ZNF253: variants seen among roughly 807,000 people sequenced by gnomAD.
ZNF253 encodes the protein zinc finger protein 253.
A neutral mutation model predicts 11.9 loss-of-function variants in ZNF253; 8 were observed. The ratio of observed to expected loss-of-function variants is 0.67; its 90% confidence interval spans 0.40 to 1.22. The LOEUF (loss-of-function observed/expected upper bound fraction) is 1.22. Ranked by LOEUF, ZNF253 falls within the 50% of genes most tolerant of loss-of-function variation. The pLI is 0.01. For missense variants in ZNF253, 485 were observed against 586.9 expected (o/e 0.83, Z 1.79); for synonymous variants, 194 against 194.9 (o/e 1.00, Z 0.04).
intron 1 of ZNF253, among the ~76,000 whole-genome samples, chr19:19,877,889 A>G (rs764223813): frequency 1.3e-5 from 2 of 152,046 alleles, no homozygotes; most frequent in Non-Finnish European, 2.9e-5. Flanking sequence ...TTTTTGCTAC[A>G]TATTTTTCTT....
At chr19:19,875,088 C>T (rs1466141568) in intron 1 of ZNF253, among the ~76,000 whole-genome samples, 7 of 152,000 alleles carry the variant, frequency 4.6e-5, no homozygotes, top group Non-Finnish European at 1.5e-5. Context: ...TTAGGTCTGC[C>T]TCTATCCTGG....
In ZNF253 at chr19:19,892,578, G is replaced by T; in HGVS notation, c.1331G>T (p.Arg444Ile). ...TASSTLTTHK[R>I]IHTGEKPYKC... ...TCCTCAACTCTAACTACACATAAGA[G>T]AATTCATACTGGAGAGAAACCTTAC... The change falls in exon 4 of 4, where the codon AGA (arginine) becomes ATA (isoleucine). Residue 444 changes from arginine (R) to isoleucine (I), a missense_variant. Around this residue, in one of 3 missense-constraint regions of ZNF253, gnomAD observed 232 missense variants for 321.4 expected, o/e 0.72. Coordinates refer to ENST00000589717, the MANE Select transcript of ZNF253 (RefSeq NM_021047.3). The T allele has an allele frequency of 6.2e-7, 1 of 1,612,198 alleles. No individual in the cohort carries two copies. The highest frequency in any genetic ancestry group is 8.5e-7 in the Non-Finnish European group (1 of 1,179,278).
At chr19:19,885,665 A>C (rs1374418962) in intron 3 of ZNF253, among the ~76,000 whole-genome samples, 1 of 152,156 alleles carries the variant, frequency 6.6e-6, no homozygotes, top group African/African-American at 2.4e-5. Context: ...TGCTGGGATT[A>C]CAGGCATCAG....
At chr19:19,872,981 G>T (rs1198580532) in intron 1 of ZNF253, among the ~76,000 whole-genome samples, 1 of 151,994 alleles carries the variant, frequency 6.6e-6, no homozygotes, top group African/African-American at 2.4e-5. Flanking sequence ...TACAAAAAAG[G>T]GCCGGACTTT....
chr19:19,882,147 C>T (rs1201861774), intron 3 of ZNF253, among the ~76,000 whole-genome samples: 3 of 151,232 alleles, frequency 2.0e-5, no homozygotes, highest in Non-Finnish European at 4.4e-5. Context: ...CAAGATCACA[C>T]CATTGCACTC....
intron 3 of ZNF253, among the ~76,000 whole-genome samples, chr19:19,887,565 T>G (rs1343660786): frequency 6.6e-6 from 1 of 152,092 alleles, no homozygotes; most frequent in Non-Finnish European, 1.5e-5. Flanking sequence ...CTTCGTCTTT[T>G]TGAAGTTTTG....
At chr19:19,871,163 G>A (rs866268221) in intron 1 of ZNF253, 1 of 152,142 alleles carries the variant, frequency 6.6e-6, no homozygotes, top group African/African-American at 2.4e-5. Flanking sequence ...AAATTCAGCA[G>A]TATTTTTTCC....
chr19:19,873,533 G>A (rs566510019), intron 1 of ZNF253, among the ~76,000 whole-genome samples: 1 of 152,264 alleles, frequency 6.6e-6, no homozygotes, highest in Non-Finnish European at 1.5e-5. Flanking sequence ...CTGTCTCAGT[G>A]TAAGAGAAAT....
At chr19:19,880,708 A>C (rs1484399018) in intron 3 of ZNF253, among the ~76,000 whole-genome samples, 2 of 146,486 alleles carry the variant, frequency 1.4e-5, no homozygotes, top group East Asian at 2.0e-4. Context: ...CCATCTCACA[A>C]AAAAAAAAAA....
Position 19,874,578 on chromosome 19 carries a change from T to C in ZNF253, c.4-3903T>C, listed in dbSNP as rs187597838. On this transcript the variant is annotated intron_variant, in intron 1 of 3. Coordinates refer to ENST00000589717, the MANE Select transcript of ZNF253 (RefSeq NM_021047.3). Reference sequence around the variant, plus strand: ...TTTGTTTAAATTGCATAGTAGTGTATAGTATAAAGTTGACAGGGCGGTGGC... The same window carrying C: ...TTTGTTTAAATTGCATAGTAGTGTACAGTATAAAGTTGACAGGGCGGTGGC... Among the ~76,000 whole-genome samples the C allele has an allele frequency of 1.8e-3, 271 of 151,118 alleles. 2 individuals are homozygous for C. The highest frequency in any genetic ancestry group is 6.4e-3 in the African/African-American group (263 of 41,152).
In ZNF253 at chr19:19,894,392, G is replaced by T. The variant is rs773594091; in HGVS notation, c.*1645G>T. On this transcript the variant is annotated 3_prime_UTR_variant, in exon 4 of 4. Transcript: ENST00000589717. ...TTAGAGATTGTTTTTTATTAGTTGG[G>T]CATTATGTATGACCTTTTCTATAAA... 1 of 152,140 alleles carries T rather than the reference G, an allele frequency of 6.6e-6. No homozygotes were observed. Among genetic ancestry groups the T allele is most frequent in the African/African-American group, 2.4e-5 (1 of 41,440 alleles). 9.4% of individuals were successfully genotyped at this position (152,140 alleles called of 1,614,324 possible). A position where few individuals can be genotyped will look rare whatever the true frequency, so the allele number is the denominator to read the frequency against.
chr19:19,891,004 C>G (rs1320250584), intron 3 of ZNF253, among the ~76,000 whole-genome samples: 2 of 148,564 alleles, frequency 1.3e-5, no homozygotes, highest in African/African-American at 5.2e-5. Context: ...CCATGTCTGG[C>G]TAATTTTTTG....
At position 19,894,048 on chromosome 19, in the gene ZNF253, T is replaced by C. The variant is rs953026676; in HGVS notation, c.*1301T>C. 28 of 152,370 alleles carry C rather than the reference T, an allele frequency of 1.8e-4. No individual in the cohort carries two copies. Among genetic ancestry groups the C allele is most frequent in the African/African-American group, 6.5e-4 (27 of 41,588 alleles). 9.4% of individuals were successfully genotyped at this position (152,370 alleles called of 1,614,324 possible). ...ATATCAAAAAATATTTAATTCAAAA[T>C]TGATTCTATGTAAATATCAGAGAAT... On this transcript the variant is annotated 3_prime_UTR_variant, in exon 4 of 4. Coordinates refer to ENST00000589717, the MANE Select transcript of ZNF253 (RefSeq NM_021047.3).
chr19:19,879,742 A>G (rs1173995664), intron 2 of ZNF253, among the ~76,000 whole-genome samples: 1 of 152,230 alleles, frequency 6.6e-6, no homozygotes, highest in Non-Finnish European at 1.5e-5. Context: ...ATAACAGCAT[A>G]AAGTAATCTG....
intron 3 of ZNF253, among the ~76,000 whole-genome samples, chr19:19,884,954 TC>T (rs1346632658): frequency 6.6e-6 from 1 of 152,216 alleles, no homozygotes; most frequent in East Asian, 1.9e-4. Flanking sequence ...GAAAAATTTG[TC>T]CATTTCTAAA....
intron 3 of ZNF253, 127 bp downstream of exon 3, chr19:19,880,273 G>GT (rs765915336): frequency 0.12 from 24,332 of 203,194 alleles, 199 homozygotes; most frequent in South Asian, 0.14. Context: ...CTGGGCAGCT[G>GT]TTTTTTTTTT....
At chr19:19,879,644 A>G (rs1182068825) in intron 2 of ZNF253, among the ~76,000 whole-genome samples, 12 of 152,182 alleles carry the variant, frequency 7.9e-5, no homozygotes, top group Non-Finnish European at 2.9e-5. Flanking sequence ...AAAGTCACAA[A>G]TAACGCCCAA....
intron 3 of ZNF253, among the ~76,000 whole-genome samples, chr19:19,882,203 AAAAG>A (rs1478905688): frequency 2.0e-5 from 3 of 152,134 alleles, no homozygotes; most frequent in Admixed American, 6.5e-5. Context: ...AAAAAAAAAA[AAAAG>A]AAGAAGAAGA....
chr19:19,866,260 T>G (rs1372238886), intron 1 of ZNF253, among the ~76,000 whole-genome samples: 1 of 152,100 alleles, frequency 6.6e-6, no homozygotes, highest in African/African-American at 2.4e-5. Context: ...TCCCAGATCA[T>G]GCAAGGACCA....
Sources: gnomAD v4.1 joint callset for allele counts (sites outside exome capture counted in the v4.1 genomes callset) on GRCh38, gnomAD v4.1.1 for gene constraint, gnomAD v4.1.1 regional missense constraint, MANE v1.5 for transcripts, NCBI Gene and HGNC (gene_info 2026-07-23, HGNC 2026-07-21) for gene names.